The following PCDHGB4 variants were observed in gnomAD, a reference collection of about 807,000 sequenced individuals.
PCDHGB4 encodes protocadherin gamma subfamily B, 4, also known as protocadherin gamma-B4.
In PCDHGB4, 38 loss-of-function variants were observed where a neutral mutation model predicts 60.5. That is an observed-to-expected ratio of 0.63 (90% CI 0.48 to 0.82). PCDHGB4 has a LOEUF of 0.82. PCDHGB4 is among the 40% of genes least tolerant of loss of function. The probability of loss-of-function intolerance (pLI) is 0.00; values close to 1 mark genes in which losing one functional copy is unlikely to be tolerated. For synonymous variants in PCDHGB4, 456 were observed against 509.7 expected, an observed-to-expected ratio of 0.89 and a Z score of 1.42; for missense variants, 1,109 against 1,209.6, an observed-to-expected ratio of 0.92 and a Z score of 1.23.
chr5:141,395,126 C>T, intron 1 of PCDHGB4: 3 of 1,614,196 alleles, frequency 1.9e-6, no homozygotes, highest in Non-Finnish European at 2.5e-6. Flanking sequence ...TGATCTTTCC[C>T]CAGCCCAACT....
rs1303365585 is a variant in PCDHGB4 at position 141,511,350 on chromosome 5, C to A, written c.*177C>A. 2.1e-5 allele frequency: 30 copies of A among 1,397,076 alleles called. No individual in the cohort carries two copies. Among genetic ancestry groups the A allele is most frequent in the African/African-American group, 1.7e-4 (12 of 68,780 alleles). The allele number at this position is 1,397,076 out of a possible 1,614,324, so 86.5% of individuals were successfully genotyped here. Reference sequence around the variant, plus strand: ...CCCAGTCAGCACCTACCCCTTCCCCCCCAGGGGGTTGAATATGCAAAAGCA... The same window carrying A: ...CCCAGTCAGCACCTACCCCTTCCCCACCAGGGGGTTGAATATGCAAAAGCA... On this transcript the variant is annotated 3_prime_UTR_variant, in exon 4 of 4. Transcript: ENST00000519479.
intron 1 of PCDHGB4, among the ~76,000 whole-genome samples, chr5:141,462,363 G>C (rs1425898350): frequency 6.6e-6 from 1 of 152,132 alleles, no homozygotes; most frequent in Non-Finnish European, 1.5e-5. Context: ...ACATTGTATA[G>C]TTTCTATTCT....
intron 1 of PCDHGB4, among the ~76,000 whole-genome samples, chr5:141,448,975 T>C (rs888432093): frequency 6.6e-6 from 1 of 151,970 alleles, no homozygotes; most frequent in African/African-American, 2.4e-5. Flanking sequence ...AAAAAAGAAC[T>C]TCCATATTAA....
intron 1 of PCDHGB4, chr5:141,399,646 AGT>A: frequency 6.2e-7 from 1 of 1,613,790 alleles, no homozygotes; most frequent in African/African-American, 1.3e-5. Context: ...GAGCGCGCAA[AGT>A]GGGGTGGTGT....
Position 141,393,047 on chromosome 5 carries a change from C to G in PCDHGB4, c.2397+2766C>G, listed in dbSNP as rs778464494. ...GTAGGACGCAGCTCTTTGCTCTGAA[C>G]CCGCGCAGCGGCAGCTTGATCACCG... On this transcript the variant is annotated intron_variant, in intron 1 of 3. Transcript: ENST00000519479. 16 of 1,613,566 alleles carry G rather than the reference C, an allele frequency of 9.9e-6. No homozygotes were observed. The South Asian group carries it at 1.6e-4, about 17-fold the overall frequency.
At chr5:141,424,245 A>T (rs1196753393) in intron 1 of PCDHGB4, 3 of 155,310 alleles carry the variant, frequency 1.9e-5, no homozygotes, top group African/African-American at 7.2e-5. Context: ...GGTGGCTGGT[A>T]ATATGCTTAG....
chr5:141,456,975 A>T (rs1240583336), intron 1 of PCDHGB4, among the ~76,000 whole-genome samples: 1 of 152,178 alleles, frequency 6.6e-6, no homozygotes, highest in East Asian at 1.9e-4. Flanking sequence ...AACAAAACAA[A>T]CAAACAAACA....
chr5:141,461,423 C>T lies in PCDHGB4; in HGVS notation c.2398-33384C>T, dbSNP rs1005977255. 3.9e-5 allele frequency among the ~76,000 whole-genome samples: 6 copies of T among 151,938 alleles called. No individual in the cohort carries two copies. In the South Asian group the frequency reaches 6.2e-4, roughly 16 times the overall value. On this transcript the variant is annotated intron_variant, in intron 1 of 3. Coordinates refer to ENST00000519479, the MANE Select transcript of PCDHGB4 (RefSeq NM_003736.4). ...AGCATTTTTTCATATGTTTGTGGGC[C>T]ATTTGTATACCTTCTTTTGAGAAAT... is the stretch of plus-strand genomic sequence containing the variant.
At chr5:141,454,320 C>G (rs140074578) in intron 1 of PCDHGB4, among the ~76,000 whole-genome samples, 4 of 152,148 alleles carry the variant, frequency 2.6e-5, no homozygotes, top group Admixed American at 2.6e-4. Context: ...ATTGAAACCT[C>G]CAAGAATAAA....
At chr5:141,483,425 G>A (rs1460083757) in intron 1 of PCDHGB4, among the ~76,000 whole-genome samples, 1 of 152,116 alleles carries the variant, frequency 6.6e-6, no homozygotes, top group Non-Finnish European at 1.5e-5. Flanking sequence ...ACAGATGGAG[G>A]GAGCTGACTA....
In PCDHGB4 at chr5:141,431,508, G is replaced by A. The variant is rs774545870; in HGVS notation, c.2397+41227G>A. ...TTTGCTCAGCCCGAGTACCGCGCGA[G>A]CGTTCCGGAGAATCTGGCCTTGGGC... On this transcript the variant is annotated intron_variant, in intron 1 of 3. Coordinates refer to ENST00000519479, the MANE Select transcript of PCDHGB4 (RefSeq NM_003736.4). The surrounding 1 kb of genome is among the most constrained non-coding windows in gnomAD (Gnocchi z 4.8). 12 of 1,613,914 alleles carry A rather than the reference G, an allele frequency of 7.4e-6. No individual in the cohort carries two copies. Among genetic ancestry groups the A allele is most frequent in the East Asian group, 2.2e-5 (1 of 44,904 alleles).
At position 141,491,546 on chromosome 5, in the gene PCDHGB4, C is replaced by T; in HGVS notation, c.2398-3261C>T. ...GAGGTGACGCTGCGGCCCACAGACT[C>T]GCAGAGCCACTGCTACAGGACGTGC... On this transcript the variant is annotated intron_variant, in intron 1 of 3. Transcript: ENST00000519479. This position sits in a 1 kb window ranked among gnomAD's most constrained non-coding sequence, Gnocchi z 6.9. 1.9e-6 allele frequency: 3 copies of T among 1,614,038 alleles called. No homozygotes were observed. Among genetic ancestry groups the T allele is most frequent in the Non-Finnish European group, 2.5e-6 (3 of 1,180,024 alleles).
At position 141,390,237 on chromosome 5, in the gene PCDHGB4, G is replaced by A. The variant is rs748278212; in HGVS notation, c.2353G>A (p.Ala785Thr). ...CATACTTTGCGGTGATTCATCTGGG[G>A]CCTTATTTCCACTTTGTAATTCCAG... The part of the protein sequence containing the change: ...QDILCGDSSG[A>T]LFPLCNSSEL... Residue 785 changes from alanine to threonine, a missense_variant, in exon 1 of 4, where the codon GCC becomes ACC. Physicochemically the swap from Ala to Thr is moderately conservative, Grantham distance 58. Coordinates refer to ENST00000519479, the MANE Select transcript of PCDHGB4 (RefSeq NM_003736.4). 2 of 1,614,004 alleles carry A rather than the reference G, an allele frequency of 1.2e-6. No homozygotes were observed. Among genetic ancestry groups the A allele is most frequent in the Non-Finnish European group, 1.7e-6 (2 of 1,179,888 alleles).
Position 141,410,674 on chromosome 5 carries a change from A to G in PCDHGB4, c.2397+20393A>G. 3.2e-6 allele frequency: 5 copies of G among 1,551,418 alleles called. No homozygotes were observed. In the South Asian group the frequency reaches 3.6e-5, roughly 11 times the overall value. On this transcript the variant is annotated intron_variant, in intron 1 of 3. Coordinates refer to ENST00000519479, the MANE Select transcript of PCDHGB4 (RefSeq NM_003736.4). ...ATCTAATAGTCTACTAGTTTCTCATATTTTAGGCATACTACTTTATTTTCA... is the reference window on the plus strand; with the variant it reads ...ATCTAATAGTCTACTAGTTTCTCATGTTTTAGGCATACTACTTTATTTTCA...
intron 1 of PCDHGB4, chr5:141,421,835 G>T: frequency 6.2e-7 from 1 of 1,613,746 alleles, no homozygotes. Flanking sequence ...AGCCTGGACC[G>T]AGAGAAAGAG....
intron 1 of PCDHGB4, among the ~76,000 whole-genome samples, chr5:141,464,983 C>G (rs1294132264): frequency 6.6e-6 from 1 of 152,050 alleles, no homozygotes; most frequent in African/African-American, 2.4e-5. Flanking sequence ...TTCAAGTGAT[C>G]CTCCCACCTC....
intron 1 of PCDHGB4, chr5:141,426,876 C>G (rs796453479): frequency 2.2e-6 from 1 of 456,726 alleles, no homozygotes; most frequent in Admixed American, 2.3e-5. Flanking sequence ...GGAGAAGCCC[C>G]TGGGCCAGGA....
chr5:141,428,430 GA>G, intron 1 of PCDHGB4: 1 of 421,748 alleles, frequency 2.4e-6, no homozygotes. Flanking sequence ...TCTGTTCTAA[GA>G]CTAGACCAGG....
chr5:141,459,028 C>T (rs373532898), intron 1 of PCDHGB4, among the ~76,000 whole-genome samples: 1 of 152,202 alleles, frequency 6.6e-6, no homozygotes, highest in Non-Finnish European at 1.5e-5. Context: ...CCACCACATC[C>T]AGCCTTACCA....
Sources: allele counts gnomAD v4.1 joint callset (sites outside exome capture counted in the v4.1 genomes callset), GRCh38; gene constraint gnomAD v4.1.1; non-coding constraint Gnocchi (gnomAD v3.1); transcripts MANE v1.5; gene names NCBI Gene and HGNC (gene_info 2026-07-23, HGNC 2026-07-21).